The following ABL2 variants were observed in gnomAD, a reference collection of about 807,000 sequenced individuals.
The protein encoded by ABL2 is ABL proto-oncogene 2, non-receptor tyrosine kinase.
In ABL2, 49 loss-of-function variants were observed where a neutral mutation model predicts 107.7. The observed-to-expected ratio is 0.45, with a 90% CI of 0.36 to 0.58. The LOEUF (loss-of-function observed/expected upper bound fraction) is 0.58, where lower values mean the gene tolerates loss of function less well. Among genes scored for constraint, ABL2 ranks in the 20% least tolerant of loss-of-function variants. The pLI is 0.00. For synonymous variants in ABL2, 549 were observed against 548.6 expected (o/e 1.00, Z -0.01); for missense variants, 1,245 against 1,457.0 (o/e 0.85, Z 2.37).
intron 7 of ABL2, among the ~76,000 whole-genome samples, chr1:179,118,028 C>G (rs1654824599): frequency 6.6e-6 from 1 of 152,038 alleles, no homozygotes; most frequent in Non-Finnish European, 1.5e-5. Flanking sequence ...TGGCATATTC[C>G]CGTAATCCCA....
chr1:179,156,978 C>T (rs575876760), intron 1 of ABL2, among the ~76,000 whole-genome samples: 1 of 152,156 alleles, frequency 6.6e-6, no homozygotes, highest in East Asian at 1.9e-4. Context: ...CAGTATCAAA[C>T]AGTGAATGAC....
intron 1 of ABL2, among the ~76,000 whole-genome samples, chr1:179,156,923 AAAT>A (rs1658730339): frequency 6.9e-6 from 1 of 144,032 alleles, no homozygotes; most frequent in African/African-American, 2.6e-5. Flanking sequence ...ATAAATAAAT[AAAT>A]AAATAAAACT....
At chr1:179,114,794 G>A (rs1654460840) in intron 9 of ABL2, 84 bp downstream of exon 9, 1 of 1,373,352 alleles carries the variant, frequency 7.3e-7, no homozygotes, top group Non-Finnish European at 9.8e-7. Flanking sequence ...TAACAACACT[G>A]AGAGGAGAAA....
chr1:179,222,472 C>T (rs1301835406), intron 1 of ABL2, among the ~76,000 whole-genome samples: 1 of 152,030 alleles, frequency 6.6e-6, no homozygotes. Flanking sequence ...CTCACTGCAA[C>T]CTCTGCCTCC....
In ABL2 at chr1:179,177,910, G is replaced by A. The variant is rs528278124; in HGVS notation, c.158-44536C>T. ...ACTTCTAATAGAATACCCACAATAC[G>A]GGATCCAAGACTCTGGTCTCCCTAC... On this transcript the variant is annotated intron_variant, in intron 1 of 11. Coordinates refer to ENST00000502732, the MANE Select transcript of ABL2 (RefSeq NM_007314.4). Among the ~76,000 whole-genome samples the A allele has an allele frequency of 4.7e-4, 71 of 152,194 alleles. 2 individuals are homozygous for A. In the South Asian group the frequency reaches 0.014, roughly 30 times the overall value.
intron 4 of ABL2, among the ~76,000 whole-genome samples, chr1:179,125,941 C>A (rs1488174309): frequency 6.6e-6 from 1 of 152,170 alleles, no homozygotes; most frequent in Non-Finnish European, 1.5e-5. Context: ...ACTGAATGAT[C>A]CGTTTCAGTT....
chr1:179,164,440 A>G (rs1306075327), intron 1 of ABL2, among the ~76,000 whole-genome samples: 2 of 152,232 alleles, frequency 1.3e-5, no homozygotes, highest in African/African-American at 4.8e-5. Context: ...GGTCCTTCCT[A>G]AACACATAAA....
chr1:179,175,785 T>C (rs1660002017), intron 1 of ABL2, among the ~76,000 whole-genome samples: 1 of 151,386 alleles, frequency 6.6e-6, no homozygotes, highest in Admixed American at 6.6e-5. Context: ...TGAAAGGGAA[T>C]GATGAAGCAA....
At chr1:179,220,601 C>T (rs958921835) in intron 1 of ABL2, among the ~76,000 whole-genome samples, 2 of 152,192 alleles carry the variant, frequency 1.3e-5, no homozygotes, top group African/African-American at 4.8e-5. Context: ...TTGACTAAAG[C>T]ATGGAATACA....
chr1:179,199,758 T>C (rs980644997), intron 1 of ABL2, among the ~76,000 whole-genome samples: 2 of 142,348 alleles, frequency 1.4e-5, no homozygotes, highest in Non-Finnish European at 3.0e-5. Context: ...TTGAGACAGA[T>C]TCTCTCTCTG....
At position 179,123,221 on chromosome 1, in the gene ABL2, G is replaced by A. The variant is rs576161116; in HGVS notation, c.688-1354C>T. Reference sequence around the variant, plus strand: ...ATTAAAGAAAGAGCCACAATTTACCGGTGGCCAGGAGCAGTGGCTCACACC... The same window carrying A: ...ATTAAAGAAAGAGCCACAATTTACCAGTGGCCAGGAGCAGTGGCTCACACC... On this transcript the variant is annotated intron_variant, in intron 4 of 11. Transcript: ENST00000502732. Among the ~76,000 whole-genome samples, 38 of 152,124 alleles carry A rather than the reference G, an allele frequency of 2.5e-4. No individual in the cohort carries two copies. The South Asian group carries it at 4.6e-3, about 18-fold the overall frequency.
At chr1:179,200,989 C>T (rs1661636904) in intron 1 of ABL2, among the ~76,000 whole-genome samples, 1 of 152,170 alleles carries the variant, frequency 6.6e-6, no homozygotes, top group South Asian at 2.1e-4. Flanking sequence ...CTGCCTACTA[C>T]ACAGCAAAAT....
At chr1:179,144,082 G>GCCT (rs1657820525) in intron 1 of ABL2, among the ~76,000 whole-genome samples, 1 of 152,200 alleles carries the variant, frequency 6.6e-6, no homozygotes, top group African/African-American at 2.4e-5. Context: ...ACCTGAAAAT[G>GCCT]ATAGTACTTT....
chr1:179,211,475 C>A (rs1324767187), intron 1 of ABL2, among the ~76,000 whole-genome samples: 1 of 151,794 alleles, frequency 6.6e-6, no homozygotes, highest in African/African-American at 2.4e-5. Context: ...TGAGCCTGTA[C>A]CACCGCACTT....
In ABL2 at chr1:179,147,536, AAAG is replaced by A. The variant is rs1216134048; in HGVS notation, c.158-14165_158-14163del. On this transcript the variant is annotated intron_variant, in intron 1 of 11. Transcript: ENST00000502732. ...ATACCATGGAATACTACTTAGCCAT[AAAG>A]AAGAATAAAATCATGTATTTTGCAG... Among the ~76,000 whole-genome samples, 5 of 152,342 alleles carry A rather than the reference AAAG, an allele frequency of 3.3e-5. No homozygotes were observed. In the South Asian group the frequency reaches 6.2e-4, roughly 19 times the overall value.
At chr1:179,226,893 C>T (rs1663247708) in intron 1 of ABL2, among the ~76,000 whole-genome samples, 1 of 152,152 alleles carries the variant, frequency 6.6e-6, no homozygotes, top group Admixed American at 6.5e-5. Flanking sequence ...TCTATCAAAT[C>T]ATAAAGTCCT....
At chr1:179,200,821 A>C (rs1364754364) in intron 1 of ABL2, among the ~76,000 whole-genome samples, 1 of 152,214 alleles carries the variant, frequency 6.6e-6, no homozygotes, top group Non-Finnish European at 1.5e-5. Flanking sequence ...AAAAAGGTAC[A>C]TGGGGCAATG....
intron 8 of ABL2, among the ~76,000 whole-genome samples, chr1:179,116,664 C>T (rs139781255): frequency 0.022 from 3,296 of 151,734 alleles, 67 homozygotes; most frequent in Non-Finnish European, 0.034. Context: ...GCATGCATCA[C>T]CACACCCAGC....
At chr1:179,207,675 G>GA (rs1359312777) in intron 1 of ABL2, among the ~76,000 whole-genome samples, 1 of 152,084 alleles carries the variant, frequency 6.6e-6, no homozygotes, top group Non-Finnish European at 1.5e-5. Context: ...TGAGAAAAGG[G>GA]ACACATAGCG....
Sources: allele counts gnomAD v4.1 joint callset (sites outside exome capture counted in the v4.1 genomes callset), GRCh38; gene constraint gnomAD v4.1.1; transcripts MANE v1.5; gene names NCBI Gene and HGNC (gene_info 2026-07-23, HGNC 2026-07-21).